The following SIPA1L1 variants were observed in gnomAD, a reference collection of about 807,000 sequenced individuals.
The protein encoded by SIPA1L1 is signal-induced proliferation-associated 1-like protein 1.
SIPA1L1 carries 26 observed loss-of-function variants against 162.7 expected under a neutral mutation model. The observed-to-expected ratio is 0.16, with a 90% confidence interval of 0.12 to 0.22. The LOEUF is 0.22. SIPA1L1 is among the 10% of genes least tolerant of loss of function. The pLI is 1.00. For missense variants in SIPA1L1, 1,874 were observed against 2,241.0 expected (o/e 0.84, Z 3.31); for synonymous variants, 829 against 837.4 (o/e 0.99, Z 0.17).
intron 4 of SIPA1L1, among the ~76,000 whole-genome samples, chr14:71,542,061 T>C (rs1595989132): frequency 6.6e-6 from 1 of 151,970 alleles, no homozygotes; most frequent in African/African-American, 2.4e-5. Context: ...TACTTCCCAG[T>C]CCCCCAACTC....
chr14:71,729,696 TAGACTC>T (rs1391267339), intron 19 of SIPA1L1, among the ~76,000 whole-genome samples: 11 of 152,326 alleles, frequency 7.2e-5, no homozygotes, highest in African/African-American at 2.4e-4. Flanking sequence ...AATGAGGAAT[TAGACTC>T]AGAGAGATTG....
At chr14:71,452,580 T>C (rs2045909300) in intron 2 of SIPA1L1, among the ~76,000 whole-genome samples, 1 of 152,212 alleles carries the variant, frequency 6.6e-6, no homozygotes. Flanking sequence ...TATGTATTAA[T>C]ATTTGTTCAG....
intron 4 of SIPA1L1, among the ~76,000 whole-genome samples, chr14:71,559,722 T>C (rs1399804929): frequency 1.3e-5 from 2 of 152,256 alleles, no homozygotes; most frequent in African/African-American, 2.4e-5. Context: ...ATAAAAACTT[T>C]TCTGCATTTT....
At chr14:71,483,245 G>A (rs951838720) in intron 2 of SIPA1L1, among the ~76,000 whole-genome samples, 11 of 152,136 alleles carry the variant, frequency 7.2e-5, no homozygotes, top group African/African-American at 2.2e-4. Flanking sequence ...TTGGGGTACC[G>A]TTTTTCTTTC....
chr14:71,463,073 T>C (rs917719884), intron 2 of SIPA1L1, among the ~76,000 whole-genome samples: 1 of 152,250 alleles, frequency 6.6e-6, no homozygotes, highest in African/African-American at 2.4e-5. Flanking sequence ...TTCACCAAGA[T>C]CTATGTCTTC....
At chr14:71,473,408 C>T (rs142759527) in intron 2 of SIPA1L1, among the ~76,000 whole-genome samples, 34 of 152,136 alleles carry the variant, frequency 2.2e-4, no homozygotes, top group African/African-American at 7.7e-4. Context: ...TGGAATTTTC[C>T]TGAGTTTAGA....
intron 2 of SIPA1L1, among the ~76,000 whole-genome samples, chr14:71,401,357 T>C (rs756253242): frequency 1.4e-4 from 21 of 152,256 alleles, no homozygotes; most frequent in East Asian, 5.8e-4. Context: ...TTTTTTACTT[T>C]CTTTATTCTT....
At chr14:71,673,498 T>C (rs1300755675) in intron 12 of SIPA1L1, among the ~76,000 whole-genome samples, 1 of 152,214 alleles carries the variant, frequency 6.6e-6, no homozygotes, top group Non-Finnish European at 1.5e-5. Context: ...ACACCTGAGC[T>C]CTCATGGATT....
intron 2 of SIPA1L1, among the ~76,000 whole-genome samples, chr14:71,432,153 C>T (rs985172285): frequency 5.9e-5 from 9 of 152,112 alleles, no homozygotes; most frequent in Non-Finnish European, 1.0e-4. Flanking sequence ...CAGCTCACTG[C>T]AGCCTCAAAC....
At chr14:71,493,064 C>T (rs1052986625) in intron 2 of SIPA1L1, among the ~76,000 whole-genome samples, 1 of 152,086 alleles carries the variant, frequency 6.6e-6, no homozygotes, top group Non-Finnish European at 1.5e-5. Context: ...GTGCCTGCCC[C>T]TTTATCCCTC....
At chr14:71,356,994 TTAA>T (rs1324423637) in intron 2 of SIPA1L1, among the ~76,000 whole-genome samples, 1 of 152,112 alleles carries the variant, frequency 6.6e-6, no homozygotes, top group African/African-American at 2.4e-5. Context: ...AAGAATGAAA[TTAA>T]TATGAATCTG....
intron 2 of SIPA1L1, among the ~76,000 whole-genome samples, chr14:71,483,358 G>A (rs907244850): frequency 1.3e-5 from 2 of 152,158 alleles, no homozygotes; most frequent in African/African-American, 2.4e-5. Flanking sequence ...CTCTTTGTGC[G>A]CACATTGCTC....
chr14:71,491,094 T>C (rs983707117), intron 2 of SIPA1L1, among the ~76,000 whole-genome samples: 1 of 152,198 alleles, frequency 6.6e-6, no homozygotes, highest in Non-Finnish European at 1.5e-5. Context: ...TGTCGATATT[T>C]AAAAATAAAA....
At chr14:71,485,791 T>C (rs554003464) in intron 2 of SIPA1L1, among the ~76,000 whole-genome samples, 1 of 152,298 alleles carries the variant, frequency 6.6e-6, no homozygotes, top group Admixed American at 6.5e-5. Flanking sequence ...CCAAAAAGAT[T>C]GGGGACCGCT....
At chr14:71,595,866 C>T (rs1202073858) in intron 5 of SIPA1L1, among the ~76,000 whole-genome samples, 1 of 152,210 alleles carries the variant, frequency 6.6e-6, no homozygotes, top group Non-Finnish European at 1.5e-5. Context: ...CAGGTAACTT[C>T]TGTTCCTTCT....
chr14:71,395,390 G>A (rs1178675412), intron 2 of SIPA1L1, among the ~76,000 whole-genome samples: 10 of 152,192 alleles, frequency 6.6e-5, no homozygotes, highest in Non-Finnish European at 8.8e-5. Context: ...GCTGGGTGTG[G>A]TGGCCATGTC....
At chr14:71,608,934 A>G (rs1409737892) in intron 5 of SIPA1L1, among the ~76,000 whole-genome samples, 1 of 152,166 alleles carries the variant, frequency 6.6e-6, no homozygotes, top group Non-Finnish European at 1.5e-5. Context: ...ACTTCCAATT[A>G]TAAAAGTTAT....
intron 13 of SIPA1L1, among the ~76,000 whole-genome samples, chr14:71,693,721 T>C (rs61653063): frequency 6.8e-6 from 1 of 147,824 alleles, no homozygotes; most frequent in East Asian, 2.1e-4. Context: ...TTTTTTCTTT[T>C]CTTTTTTTTT....
chr14:71,704,380 T>A (rs566263470), intron 15 of SIPA1L1, among the ~76,000 whole-genome samples: 10 of 152,324 alleles, frequency 6.6e-5, no homozygotes, highest in Non-Finnish European at 1.2e-4. Context: ...TTCTTATTGG[T>A]TAGGCATCAG....
Sources: allele counts gnomAD v4.1 joint callset (sites outside exome capture counted in the v4.1 genomes callset), GRCh38; gene constraint gnomAD v4.1.1; transcripts MANE v1.5; gene names NCBI Gene and HGNC (gene_info 2026-07-23, HGNC 2026-07-21).